PAPOLG: variants seen among roughly 807,000 people sequenced by gnomAD.
The protein encoded by PAPOLG is poly(A) polymerase gamma.
In PAPOLG, 40 loss-of-function variants were observed where a neutral mutation model predicts 99.0. The observed-to-expected ratio is 0.40, with a 90% CI of 0.31 to 0.53. PAPOLG has a LOEUF of 0.53. Ranked by LOEUF, PAPOLG falls within the 20% of genes least tolerant of loss-of-function variation. The pLI is 0.41. For synonymous variants in PAPOLG, 310 were observed against 299.3 expected, an observed-to-expected ratio of 1.04 and a Z score of -0.37; for missense variants, 675 against 884.1, an observed-to-expected ratio of 0.76 and a Z score of 3.00.
rs1671395885 is a variant in PAPOLG, at chr2:60,787,389, AC to A, written c.1287-120del. On this transcript the variant is annotated intron_variant, in intron 14 of 21. Transcript: ENST00000238714. ...ATGTCACTTTTAAGAATCTGGCCAG[AC>A]CACTGAAATCTGTATTTGTGAGATA... is the stretch of plus-strand genomic sequence containing the variant. The A allele has an allele frequency of 2.4e-6, 3 of 1,260,630 alleles. No homozygotes were observed. In the South Asian group the frequency reaches 4.8e-5, roughly 20 times the overall value. 78.1% of individuals were successfully genotyped at this position (1,260,630 alleles called of 1,614,324 possible).
intron 21 of PAPOLG, 117 bp downstream of exon 21, chr2:60,795,137 G>GGGGACAGGGACAAAA: frequency 1.2e-6 from 1 of 861,704 alleles, no homozygotes; most frequent in Non-Finnish European, 1.9e-6. Context: ...TTTTGTCCCT[G>GGGGACAGGGACAAAA]TCCCCAAGGA....
At chr2:60,790,782 A>G (rs1671507570) in intron 15 of PAPOLG, among the ~76,000 whole-genome samples, 1 of 152,182 alleles carries the variant, frequency 6.6e-6, no homozygotes. Context: ...CACCTTGGAT[A>G]TTTGGCCTAA....
At chr2:60,759,167 G>A (rs1460487129) in intron 1 of PAPOLG, among the ~76,000 whole-genome samples, 19 of 152,116 alleles carry the variant, frequency 1.2e-4, no homozygotes, top group African/African-American at 3.6e-4. Flanking sequence ...TCAGGAGTTC[G>A]AGACCAGCCT....
intron 5 of PAPOLG, 138 bp downstream of exon 5, chr2:60,769,028 G>T: frequency 4.4e-6 from 3 of 674,684 alleles, no homozygotes; most frequent in Non-Finnish European, 7.2e-6. Flanking sequence ...AATAAGTGAT[G>T]ATTAAATCAT....
At chr2:60,757,818 T>TGGG (rs2103748788) in intron 1 of PAPOLG, among the ~76,000 whole-genome samples, 1 of 152,330 alleles carries the variant, frequency 6.6e-6, no homozygotes, top group East Asian at 1.9e-4. Flanking sequence ...GAAGGGAATG[T>TGGG]GGGATTCTGT....
rs1354115486 is a variant in PAPOLG, at chr2:60,795,004, A to G, written c.2096A>G (p.Asp699Gly). The G allele has an allele frequency of 3.1e-6, 5 of 1,612,764 alleles. No individual in the cohort carries two copies. The highest frequency in any genetic ancestry group is 4.2e-6 in the Non-Finnish European group (5 of 1,179,138). Residue 699 changes from aspartate (D) to glycine (G), a missense_variant, in exon 21 of 22, where the codon GAT becomes GGT. By Grantham distance (94) the Asp-to-Gly change is moderately conservative (BLOSUM62 -1). Around this residue, in one of 3 missense-constraint regions of PAPOLG, gnomAD observed 413 missense variants for 460.5 expected, o/e 0.90. Coordinates refer to ENST00000238714, the MANE Select transcript of PAPOLG (RefSeq NM_022894.4). ...GAATCTATGCCTATTCCAACTATTGATACATCACGCAAAAAGGTAACAAGA... is the reference window on the plus strand; with the variant it reads ...GAATCTATGCCTATTCCAACTATTGGTACATCACGCAAAAAGGTAACAAGA... ...GGESMPIPTIDTSRKKRLPSK... is the reference protein window; with the variant it reads ...GGESMPIPTIGTSRKKRLPSK...
chr2:60,770,017 G>A (rs1670802349), intron 5 of PAPOLG, among the ~76,000 whole-genome samples: 1 of 149,848 alleles, frequency 6.7e-6, no homozygotes, highest in African/African-American at 2.5e-5. Context: ...AGAACATGCT[G>A]TGTTTGGTTT....
chr2:60,756,632 G>T, intron 1 of PAPOLG, 137 bp downstream of exon 1: 1 of 1,002,168 alleles, frequency 1.0e-6, no homozygotes, highest in Non-Finnish European at 1.4e-6. Context: ...CCGGCTCCCG[G>T]CCGGTCCGCA....
chr2:60,794,715 T>G lies in PAPOLG; in HGVS notation c.1995T>G (p.Ile665Met). 1 of 1,610,746 alleles carries G rather than the reference T, an allele frequency of 6.2e-7. No homozygotes were observed. Among genetic ancestry groups the G allele is most frequent in the Middle Eastern group, 1.7e-4 (1 of 6,042 alleles). Residue 665 changes from isoleucine (I) to methionine (M), a missense_variant, in exon 20 of 22, where the codon ATT becomes ATG. Coordinates refer to ENST00000238714, the MANE Select transcript of PAPOLG (RefSeq NM_022894.4). ...PKRLKDVEKF[I>M]RLESTFKDPR... ...TTTCAATGTTTATATTTTAGTTTAT[T>G]CGACTTGAATCAACATTTAAGGACC...
At chr2:60,796,782 A>G (rs113444063) in intron 21 of PAPOLG, among the ~76,000 whole-genome samples, 175 of 151,672 alleles carry the variant, frequency 1.2e-3, no homozygotes, top group African/African-American at 4.1e-3. Flanking sequence ...TGATCCAGGC[A>G]TGGCAGTTCC....
chr2:60,767,392 C>T (rs1343258960), intron 3 of PAPOLG, among the ~76,000 whole-genome samples: 4 of 148,918 alleles, frequency 2.7e-5, no homozygotes, highest in African/African-American at 9.9e-5. Context: ...TGAGGCTGAA[C>T]CTCCTGGGCT....
At chr2:60,786,431 A>G (rs940389635) in intron 13 of PAPOLG, among the ~76,000 whole-genome samples, 1 of 152,030 alleles carries the variant, frequency 6.6e-6, no homozygotes, top group Non-Finnish European at 1.5e-5. Context: ...GGGTTTCACC[A>G]TGTTGGCCAG....
chr2:60,782,812 T>C (rs1265693511), intron 12 of PAPOLG, 42 bp downstream of exon 12: 1 of 1,532,748 alleles, frequency 6.5e-7, no homozygotes, highest in Non-Finnish European at 8.7e-7. Context: ...GATTTTTTTT[T>C]TTTTAAAGAA....
At chr2:60,767,862 C>T (rs766594514) in intron 3 of PAPOLG, among the ~76,000 whole-genome samples, 5 of 152,162 alleles carry the variant, frequency 3.3e-5, no homozygotes, top group Non-Finnish European at 5.9e-5. Context: ...AAGCGAAAGA[C>T]AGGCAGTTGG....
chr2:60,786,147 T>A (rs2103811253), intron 13 of PAPOLG, among the ~76,000 whole-genome samples: 1 of 152,254 alleles, frequency 6.6e-6, no homozygotes, highest in African/African-American at 2.4e-5. Context: ...GTAGCTTTCA[T>A]ATTTAAAGTT....
intron 20 of PAPOLG, 43 bp downstream of exon 20, chr2:60,794,818 C>A (rs889999201): frequency 1.3e-6 from 2 of 1,548,512 alleles, no homozygotes; most frequent in South Asian, 1.1e-5. Context: ...TATTGTAAAG[C>A]GCCATGTATC....
At chr2:60,788,511 G>A (rs1177265508) in intron 15 of PAPOLG, among the ~76,000 whole-genome samples, 2 of 152,074 alleles carry the variant, frequency 1.3e-5, no homozygotes, top group African/African-American at 4.8e-5. Context: ...TAGTAGAGAC[G>A]GAGTTTCACC....
intron 3 of PAPOLG, among the ~76,000 whole-genome samples, chr2:60,763,730 C>T (rs1243949622): frequency 6.6e-6 from 1 of 151,764 alleles, no homozygotes; most frequent in East Asian, 1.9e-4. Flanking sequence ...TCTCAAACTC[C>T]TGACCTCAGG....
Position 60,800,090 on chromosome 2 carries a change from C to T in PAPOLG, c.*2930C>T, listed in dbSNP as rs1421252482. The T allele has an allele frequency of 6.6e-6, 1 of 152,300 alleles. No homozygotes were observed. Among genetic ancestry groups the T allele is most frequent in the Non-Finnish European group, 1.5e-5 (1 of 68,038 alleles). 9.4% of individuals were successfully genotyped at this position (152,300 alleles called of 1,614,324 possible). ...ATATGTATGAAAGGAAAACAATTACCTGCTAGCTTAAACCTTAGGGACTTA... is the reference window on the plus strand; with the variant it reads ...ATATGTATGAAAGGAAAACAATTACTTGCTAGCTTAAACCTTAGGGACTTA... On this transcript the variant is annotated 3_prime_UTR_variant, in exon 22 of 22. Transcript: ENST00000238714.
Sources: allele counts gnomAD v4.1 joint callset (sites outside exome capture counted in the v4.1 genomes callset), GRCh38; gene constraint gnomAD v4.1.1; regional missense constraint gnomAD v4.1.1; transcripts MANE v1.5; gene names NCBI Gene and HGNC (gene_info 2026-07-23, HGNC 2026-07-21).